POU6F2: variants seen among roughly 807,000 people sequenced by gnomAD.
The protein encoded by POU6F2 is POU domain, class 6, transcription factor 2.
Under a neutral mutation model 71.3 loss-of-function variants are expected in POU6F2, and 31 were observed. The ratio of observed to expected loss-of-function variants is 0.43; its 90% CI spans 0.33 to 0.59. The LOEUF is 0.59. Ranked by LOEUF, POU6F2 falls within the 20% of genes least tolerant of loss-of-function variation. The probability of loss-of-function intolerance (pLI) is 0.04; values close to 1 mark genes in which losing one functional copy is unlikely to be tolerated. For synonymous variants in POU6F2, 347 were observed against 355.7 expected (o/e 0.98, Z 0.27); for missense variants, 783 against 856.8 (o/e 0.91, Z 1.07).
intron 1 of POU6F2, among the ~76,000 whole-genome samples, chr7:39,017,077 G>GT (rs1049718141): frequency 1.3e-5 from 2 of 152,110 alleles, no homozygotes; most frequent in Non-Finnish European, 2.9e-5. Context: ...TTATCATGTT[G>GT]TTTTTTCTCC....
rs1211154823 is a variant in POU6F2 at position 38,980,228 on chromosome 7, G to C, written c.105+2170G>C. On this transcript the variant is annotated intron_variant, in intron 1 of 9. Coordinates refer to ENST00000518318, the MANE Select transcript of POU6F2 (RefSeq NM_001370959.1). ...TGTTAAAAACGCCTCAAAATGCCAA[G>C]TCAGTAAATTACAAAAGCAATTGTG... 6.6e-5 allele frequency among the ~76,000 whole-genome samples: 10 copies of C among 152,124 alleles called. No homozygotes were observed. In the East Asian group the frequency reaches 1.9e-3, roughly 29 times the overall value.
At chr7:39,163,554 T>C (rs1460188783) in intron 2 of POU6F2, among the ~76,000 whole-genome samples, 1 of 152,196 alleles carries the variant, frequency 6.6e-6, no homozygotes. Context: ...TCAATAGTGT[T>C]TGGACAGAAC....
intron 5 of POU6F2, among the ~76,000 whole-genome samples, chr7:39,384,567 CAAAA>C (rs34812278): frequency 2.6e-5 from 4 of 151,396 alleles, no homozygotes; most frequent in Non-Finnish European, 2.9e-5. Context: ...CAAAAAATGA[CAAAA>C]AAAAAGCCCT....
At chr7:39,136,576 A>T (rs34731578) in intron 2 of POU6F2, among the ~76,000 whole-genome samples, 5 of 152,194 alleles carry the variant, frequency 3.3e-5, no homozygotes, top group Admixed American at 6.5e-5. Flanking sequence ...GCTTTTAAGA[A>T]GGCAATTTTA....
intron 7 of POU6F2, among the ~76,000 whole-genome samples, chr7:39,450,427 C>G (rs1191508149): frequency 6.6e-6 from 1 of 152,060 alleles, no homozygotes; most frequent in Non-Finnish European, 1.5e-5. Flanking sequence ...TGTCTACCTG[C>G]TTGGTGTCCT....
chr7:39,114,771 G>T (rs1210320793), intron 2 of POU6F2, among the ~76,000 whole-genome samples: 1 of 152,106 alleles, frequency 6.6e-6, no homozygotes, highest in Admixed American at 6.6e-5. Flanking sequence ...TGTATTGTGA[G>T]CGCTTTGCTG....
intron 4 of POU6F2, among the ~76,000 whole-genome samples, chr7:39,248,705 G>A (rs1305377818): frequency 6.6e-6 from 1 of 152,170 alleles, no homozygotes; most frequent in African/African-American, 2.4e-5. Context: ...CAATTCTGTT[G>A]TTTACTGTTG....
intron 2 of POU6F2, among the ~76,000 whole-genome samples, chr7:39,163,932 A>G (rs1584576824): frequency 6.6e-6 from 1 of 152,174 alleles, no homozygotes; most frequent in South Asian, 2.1e-4. Flanking sequence ...AGAGGCTGGG[A>G]GAGGGATGAA....
intron 3 of POU6F2, among the ~76,000 whole-genome samples, chr7:39,205,064 C>T (rs1296851071): frequency 6.6e-6 from 1 of 151,738 alleles, no homozygotes; most frequent in African/African-American, 2.4e-5. Context: ...GAGGGCTCAC[C>T]CAAGTTTAGA....
At chr7:39,015,393 A>T (rs1375464010) in intron 1 of POU6F2, among the ~76,000 whole-genome samples, 1 of 124,918 alleles carries the variant, frequency 8.0e-6, no homozygotes, top group Admixed American at 9.3e-5. Flanking sequence ...TATAATAGAT[A>T]TATATTATAT....
At chr7:39,393,318 A>G (rs1243953649) in intron 5 of POU6F2, among the ~76,000 whole-genome samples, 2 of 152,176 alleles carry the variant, frequency 1.3e-5, no homozygotes, top group Non-Finnish European at 2.9e-5. Context: ...TTTCCTAACG[A>G]CATAGTTCTC....
intron 5 of POU6F2, among the ~76,000 whole-genome samples, chr7:39,398,056 A>G (rs1021638131): frequency 6.6e-6 from 1 of 151,924 alleles, no homozygotes; most frequent in Admixed American, 6.6e-5. Context: ...AAAAACATTC[A>G]GACAAGTTTG....
chr7:39,259,567 G>GT, intron 4 of POU6F2, among the ~76,000 whole-genome samples: 1 of 152,126 alleles, frequency 6.6e-6, no homozygotes, highest in East Asian at 1.9e-4. Context: ...ACGTTCCAAG[G>GT]GCCGTGTTGC....
At chr7:39,180,529 A>G (rs1242306604) in intron 2 of POU6F2, among the ~76,000 whole-genome samples, 1 of 152,160 alleles carries the variant, frequency 6.6e-6, no homozygotes, top group African/African-American at 2.4e-5. Flanking sequence ...CCCAGGGATT[A>G]GCTTGTGTCT....
rs2074936 is a variant in POU6F2, at chr7:39,339,726, C to T, written c.683C>T (p.Pro228Leu). 271,256 of 1,605,356 alleles carry T rather than the reference C, an allele frequency of 0.17. 27,627 individuals are homozygous for T. The highest frequency in any genetic ancestry group is 0.57 in the East Asian group (25,569 of 44,700). ...QQQQQQQQPPPSTNQHPQPAP... is the reference protein window; with the variant it reads ...QQQQQQQQPPLSTNQHPQPAP... Reference sequence around the variant, plus strand: ...CAGCAGCAGCAGCAGCAGCCTCCCCCGTCAACCAACCAGCACCCGCAACCA... The same window carrying T: ...CAGCAGCAGCAGCAGCAGCCTCCCCTGTCAACCAACCAGCACCCGCAACCA... The change falls in exon 5 of 10, where the codon CCG becomes CTG. Residue 228 changes from proline (P) to leucine (L), a missense_variant. By Grantham distance (98) the Pro-to-Leu change is moderately conservative. Around this residue, in one of 2 missense-constraint regions of POU6F2, gnomAD observed 572 missense variants for 572.9 expected, o/e 1.00. Transcript: ENST00000518318.
At chr7:39,365,109 G>A (rs1413531818) in intron 5 of POU6F2, among the ~76,000 whole-genome samples, 1 of 152,056 alleles carries the variant, frequency 6.6e-6, no homozygotes, top group African/African-American at 2.4e-5. Context: ...CAAATCTGGA[G>A]GCATCACATT....
chr7:39,288,447 GA>G (rs778898875), intron 4 of POU6F2, among the ~76,000 whole-genome samples: 1 of 152,196 alleles, frequency 6.6e-6, no homozygotes, highest in African/African-American at 2.4e-5. Flanking sequence ...ACAAGTAGCA[GA>G]CATTCAGCAA....
intron 5 of POU6F2, among the ~76,000 whole-genome samples, chr7:39,374,771 G>A (rs963514455): frequency 7.2e-5 from 11 of 152,104 alleles, no homozygotes; most frequent in African/African-American, 1.4e-4. Context: ...AATTGATGTC[G>A]GAAGGATCAT....
chr7:39,006,901 A>G (rs1038763010), intron 1 of POU6F2: 3 of 1,603,036 alleles, frequency 1.9e-6, no homozygotes, highest in Non-Finnish European at 2.6e-6. Flanking sequence ...GCCTACCAAT[A>G]GGAAATTTCC....
Sources: gnomAD v4.1 joint callset for allele counts (sites outside exome capture counted in the v4.1 genomes callset) on GRCh38, gnomAD v4.1.1 for gene constraint, gnomAD v4.1.1 regional missense constraint, MANE v1.5 for transcripts, NCBI Gene and HGNC (gene_info 2026-07-23, HGNC 2026-07-21) for gene names.